The following PARD3 variants were observed in gnomAD, a reference collection of about 807,000 sequenced individuals.
The protein encoded by PARD3 is par-3 family cell polarity regulator.
PARD3 carries 75 observed loss-of-function variants against 155.4 expected under a neutral mutation model. The observed-to-expected ratio is 0.48, with a 90% confidence interval of 0.40 to 0.58. The LOEUF is 0.58. Among genes scored for constraint, PARD3 ranks in the 20% least tolerant of loss-of-function variants. The pLI is 0.00. For synonymous variants in PARD3, 576 were observed against 610.5 expected, an observed-to-expected ratio of 0.94 and a Z score of 0.83; for missense variants, 1,642 against 1,721.7, an observed-to-expected ratio of 0.95 and a Z score of 0.82.
intron 7 of PARD3, among the ~76,000 whole-genome samples, chr10:34,389,449 C>T (rs1842673997): frequency 6.6e-6 from 1 of 152,126 alleles, no homozygotes; most frequent in African/African-American, 2.4e-5. Context: ...CACATGTTAA[C>T]ATTTTCAATT....
intron 2 of PARD3, among the ~76,000 whole-genome samples, chr10:34,557,597 G>A (rs1276374960): frequency 6.6e-6 from 1 of 152,076 alleles, no homozygotes; most frequent in African/African-American, 2.4e-5. Context: ...TCTTGTCTCA[G>A]CCTCCTGAGT....
intron 1 of PARD3, among the ~76,000 whole-genome samples, chr10:34,753,852 G>A (rs897811950): frequency 6.6e-6 from 1 of 152,078 alleles, no homozygotes; most frequent in African/African-American, 2.4e-5. Flanking sequence ...AGGGAGTCAG[G>A]GAAAGGACAA....
chr10:34,521,426 C>T (rs1345828019), intron 2 of PARD3, among the ~76,000 whole-genome samples: 1 of 150,070 alleles, frequency 6.7e-6, no homozygotes, highest in Admixed American at 6.6e-5. Flanking sequence ...TAAAAATCTC[C>T]ATCATGCCCT....
At chr10:34,134,743 G>A (rs1947804360) in intron 22 of PARD3, among the ~76,000 whole-genome samples, 1 of 152,162 alleles carries the variant, frequency 6.6e-6, no homozygotes, top group African/African-American at 2.4e-5. Flanking sequence ...AGGCTGCAAT[G>A]GTTTTCATGA....
rs1198136921 is a variant in PARD3, at chr10:34,761,896, A to G, written c.120+52980T>C. On this transcript the variant is annotated intron_variant, in intron 1 of 24. Coordinates refer to ENST00000374788, the MANE Select transcript of PARD3 (RefSeq NM_001184785.2). ...GATGATGTGTCAAGGATGGGATTAG[A>G]AAAAGTGCTTACACACATATAAACA... Among the ~76,000 whole-genome samples the G allele has an allele frequency of 2.0e-5, 3 of 152,228 alleles. No homozygotes were observed. In the East Asian group the frequency reaches 5.8e-4, roughly 29 times the overall value.
At chr10:34,780,695 G>C (rs1162532112) in intron 1 of PARD3, among the ~76,000 whole-genome samples, 1 of 152,152 alleles carries the variant, frequency 6.6e-6, no homozygotes. Flanking sequence ...TCTTGCCGCA[G>C]TTTTTTACAG....
intron 2 of PARD3, among the ~76,000 whole-genome samples, chr10:34,693,593 T>C (rs1295404142): frequency 6.6e-6 from 1 of 152,152 alleles, no homozygotes; most frequent in Admixed American, 6.6e-5. Flanking sequence ...ATCAAAAAAT[T>C]AGCCTATTGG....
chr10:34,653,673 C>T (rs1281397367), intron 2 of PARD3, among the ~76,000 whole-genome samples: 1 of 151,622 alleles, frequency 6.6e-6, no homozygotes. Flanking sequence ...GTCCCAGCTA[C>T]ACAAGAGGCT....
At chr10:34,707,515 C>A (rs1009250529) in intron 1 of PARD3, among the ~76,000 whole-genome samples, 1 of 152,138 alleles carries the variant, frequency 6.6e-6, no homozygotes, top group African/African-American at 2.4e-5. Flanking sequence ...CTGATGCACA[C>A]TGAGGTTTGA....
At chr10:34,507,502 C>G (rs976946623) in intron 3 of PARD3, among the ~76,000 whole-genome samples, 2 of 135,210 alleles carry the variant, frequency 1.5e-5, no homozygotes, top group Admixed American at 1.6e-4. Context: ...CTGATTTTGC[C>G]GATCCCTGCC....
At chr10:34,772,630 A>C (rs1439151650) in intron 1 of PARD3, among the ~76,000 whole-genome samples, 5 of 151,696 alleles carry the variant, frequency 3.3e-5, no homozygotes, top group Admixed American at 3.3e-4. Context: ...TGTCTCTACT[A>C]AAAATACAAA....
chr10:34,620,582 T>C (rs2091599570), intron 2 of PARD3, among the ~76,000 whole-genome samples: 1 of 152,242 alleles, frequency 6.6e-6, no homozygotes, highest in Non-Finnish European at 1.5e-5. Flanking sequence ...GAAATTGGGA[T>C]GGAGCATTAC....
chr10:34,343,812 A>G (rs1434530143), intron 15 of PARD3: 1 of 972,384 alleles, frequency 1.0e-6, no homozygotes, highest in South Asian at 4.8e-5. Flanking sequence ...TTAACTAGTG[A>G]CCTACAAACT....
At chr10:34,783,608 A>C (rs1284672391) in intron 1 of PARD3, among the ~76,000 whole-genome samples, 1 of 109,924 alleles carries the variant, frequency 9.1e-6, no homozygotes, top group African/African-American at 7.7e-5. Context: ...CGTCTTCAAA[A>C]AAAAAAAAAA....
At chr10:34,315,712 G>A (rs1330934578) in intron 20 of PARD3, among the ~76,000 whole-genome samples, 2 of 152,170 alleles carry the variant, frequency 1.3e-5, no homozygotes, top group Admixed American at 1.3e-4. Flanking sequence ...AAATAAAGTG[G>A]CAGTTAGAGC....
intron 23 of PARD3, among the ~76,000 whole-genome samples, chr10:34,120,729 A>G (rs1350158448): frequency 6.6e-6 from 1 of 152,232 alleles, no homozygotes; most frequent in African/African-American, 2.4e-5. Context: ...TAAATTGGTT[A>G]TTAGGTAATG....
chr10:34,329,368 G>C (rs765511034), intron 19 of PARD3, among the ~76,000 whole-genome samples: 1 of 151,712 alleles, frequency 6.6e-6, no homozygotes, highest in East Asian at 1.9e-4. Context: ...TATATCAAGG[G>C]GCCAAAGCAT....
chr10:34,233,312 C>T (rs1953038445), intron 22 of PARD3, among the ~76,000 whole-genome samples: 1 of 151,928 alleles, frequency 6.6e-6, no homozygotes, highest in Admixed American at 6.6e-5. Context: ...TCTATTATTC[C>T]TGCTACCCCA....
At chr10:34,200,050 A>G (rs902633236) in intron 22 of PARD3, among the ~76,000 whole-genome samples, 1 of 152,252 alleles carries the variant, frequency 6.6e-6, no homozygotes, top group Admixed American at 6.5e-5. Flanking sequence ...GGATTTTTAT[A>G]AATGAACTAT....
Sources: allele counts gnomAD v4.1 joint callset (sites outside exome capture counted in the v4.1 genomes callset), GRCh38; gene constraint gnomAD v4.1.1; transcripts MANE v1.5; gene names NCBI Gene and HGNC (gene_info 2026-07-23, HGNC 2026-07-21).